GPC5: variants seen among roughly 807,000 people sequenced by gnomAD.
GPC5 encodes the protein glypican-5.
GPC5 carries 47 observed loss-of-function variants against 53.9 expected under a neutral mutation model. The ratio of observed to expected loss-of-function variants is 0.87; its 90% CI spans 0.69 to 1.11. The LOEUF is 1.11. GPC5 is among the 50% of genes most tolerant of loss of function. The pLI, the probability that GPC5 is intolerant of heterozygous loss-of-function variation, is 0.00. For missense variants in GPC5, 748 were observed against 713.1 expected (o/e 1.05, Z -0.56); for synonymous variants, 286 against 263.3 (o/e 1.09, Z -0.84).
intron 7 of GPC5, among the ~76,000 whole-genome samples, chr13:92,359,065 A>T (rs1015816935): frequency 1.3e-5 from 2 of 151,824 alleles, no homozygotes; most frequent in Admixed American, 1.3e-4. Context: ...TTTCTTTTAA[A>T]TATAAGTTTC....
intron 7 of GPC5, among the ~76,000 whole-genome samples, chr13:92,364,602 A>C (rs1005297872): frequency 5.3e-5 from 8 of 151,526 alleles, no homozygotes; most frequent in African/African-American, 2.0e-4. Flanking sequence ...TGGTGGCAAG[A>C]ACCTGTAGTC....
rs554882594 is a variant in GPC5, at chr13:91,791,064, A to G, written c.1280+34644A>G. ...ATTGTTTTCTAGCCTCACAGTGTGAAACACAAGGTACTCACTTCTTGGCTG... is the reference window on the plus strand; with the variant it reads ...ATTGTTTTCTAGCCTCACAGTGTGAGACACAAGGTACTCACTTCTTGGCTG... On this transcript the variant is annotated intron_variant, in intron 5 of 7. Transcript: ENST00000377067. 2.0e-4 allele frequency among the ~76,000 whole-genome samples: 30 copies of G among 152,356 alleles called. 1 individual carries two copies. The highest frequency in any genetic ancestry group is 2.0e-3 in the Admixed American group (30 of 15,306).
intron 7 of GPC5, among the ~76,000 whole-genome samples, chr13:92,152,694 G>A (rs375027433): frequency 2.7e-5 from 4 of 146,334 alleles, no homozygotes; most frequent in African/African-American, 1.0e-4. Context: ...AGCCCAGATC[G>A]CACCACTGCA....
Position 92,081,420 on chromosome 13 carries a change from C to T in GPC5, c.1402-63410C>T, listed in dbSNP as rs189762096. Among the ~76,000 whole-genome samples, 5 of 152,202 alleles carry T rather than the reference C, an allele frequency of 3.3e-5. No individual in the cohort carries two copies. The East Asian group carries it at 5.8e-4, about 18-fold the overall frequency. On this transcript the variant is annotated intron_variant, in intron 6 of 7. Transcript: ENST00000377067. ...CCTGACCTGTGTCTTTCATCTTGTT[C>T]GCAGAACATAGCAAAGGCTAAGACA...
chr13:91,748,027 C>T (rs974845080), intron 4 of GPC5, among the ~76,000 whole-genome samples: 1 of 152,164 alleles, frequency 6.6e-6, no homozygotes, highest in African/African-American at 2.4e-5. Context: ...TCATCCCGGA[C>T]CAATAAATCT....
intron 7 of GPC5, among the ~76,000 whole-genome samples, chr13:92,323,765 G>T (rs920412441): frequency 6.6e-6 from 1 of 151,686 alleles, no homozygotes; most frequent in Non-Finnish European, 1.5e-5. Context: ...TGAGTCATTT[G>T]TTTTAATATT....
chr13:92,789,209 G>A (rs1876373020), intron 7 of GPC5, among the ~76,000 whole-genome samples: 1 of 152,098 alleles, frequency 6.6e-6, no homozygotes, highest in Non-Finnish European at 1.5e-5. Flanking sequence ...GCTGGAGGCT[G>A]TCAGGCAATT....
At chr13:92,504,428 A>G (rs1177345778) in intron 7 of GPC5, among the ~76,000 whole-genome samples, 2 of 152,008 alleles carry the variant, frequency 1.3e-5, no homozygotes, top group Admixed American at 6.6e-5. Flanking sequence ...TGATCTGTAG[A>G]TTTAATGCAA....
intron 3 of GPC5, among the ~76,000 whole-genome samples, chr13:91,724,479 G>A (rs1012869613): frequency 6.6e-6 from 1 of 150,900 alleles, no homozygotes. Context: ...TTTTCAATTT[G>A]TAATATTCTA....
At chr13:92,732,482 ATTGAT>A (rs148625478) in intron 7 of GPC5, among the ~76,000 whole-genome samples, 4,634 of 151,628 alleles carry the variant, frequency 0.031, 313 homozygotes, top group East Asian at 0.28. Context: ...AATTGTATGC[ATTGAT>A]TTGATTTGAT....
chr13:92,203,674 A>G (rs1399437494), intron 7 of GPC5, among the ~76,000 whole-genome samples: 3 of 150,138 alleles, frequency 2.0e-5, no homozygotes, highest in Admixed American at 6.6e-5. Context: ...AAATAAATAA[A>G]ACCAAAATAA....
chr13:92,238,908 A>C (rs2042589164), intron 7 of GPC5, among the ~76,000 whole-genome samples: 1 of 151,362 alleles, frequency 6.6e-6, no homozygotes, highest in Non-Finnish European at 1.5e-5. Flanking sequence ...TCTTTGAACT[A>C]TTTTGACTAA....
At chr13:91,897,240 A>T (rs2039451739) in intron 5 of GPC5, among the ~76,000 whole-genome samples, 1 of 151,988 alleles carries the variant, frequency 6.6e-6, no homozygotes, top group Admixed American at 6.6e-5. Context: ...ATTAAGAAAA[A>T]GTTATTTACA....
chr13:92,049,547 T>C (rs9589414), intron 6 of GPC5, among the ~76,000 whole-genome samples: 67,114 of 151,924 alleles, frequency 0.44, 15,170 homozygotes, highest in Admixed American at 0.52. Flanking sequence ...CAATTCTGCT[T>C]AGCTTTTTTC....
chr13:91,876,931 T>A (rs893565451), intron 5 of GPC5, among the ~76,000 whole-genome samples: 6 of 152,174 alleles, frequency 3.9e-5, no homozygotes, highest in South Asian at 2.1e-4. Context: ...AAGGACTTGG[T>A]GCCCTGTGTC....
chr13:92,612,626 TC>T (rs1425571902), intron 7 of GPC5, among the ~76,000 whole-genome samples: 1 of 152,094 alleles, frequency 6.6e-6, no homozygotes. Flanking sequence ...CTTTGGAATT[TC>T]AGGACTCTTA....
chr13:91,758,792 G>T (rs987807183), intron 5 of GPC5, among the ~76,000 whole-genome samples: 9 of 152,200 alleles, frequency 5.9e-5, no homozygotes, highest in African/African-American at 1.2e-4. Context: ...ACTTCCAAGT[G>T]CATAGAGACT....
chr13:91,510,984 C>G (rs1446365159), intron 2 of GPC5, among the ~76,000 whole-genome samples: 1 of 151,776 alleles, frequency 6.6e-6, no homozygotes, highest in Non-Finnish European at 1.5e-5. Context: ...TACTGTACTG[C>G]TTTTACACAT....
chr13:92,546,465 G>A (rs1400727781), intron 7 of GPC5, among the ~76,000 whole-genome samples: 1 of 152,130 alleles, frequency 6.6e-6, no homozygotes, highest in Non-Finnish European at 1.5e-5. Context: ...TACAAGGGAT[G>A]GGAAGGACCT....
Sources: gnomAD v4.1 joint callset for allele counts (sites outside exome capture counted in the v4.1 genomes callset) on GRCh38, gnomAD v4.1.1 for gene constraint, MANE v1.5 for transcripts, NCBI Gene and HGNC (gene_info 2026-07-23, HGNC 2026-07-21) for gene names.